The following LIPH variants were observed in gnomAD, a reference collection of about 807,000 sequenced individuals.
LIPH encodes lipase member H.
LIPH carries 32 observed loss-of-function variants against 47.6 expected under a neutral mutation model. That is an observed-to-expected ratio of 0.67 (90% CI 0.51 to 0.90). The LOEUF (loss-of-function observed/expected upper bound fraction) is 0.90. Ranked by LOEUF, LIPH falls within the 40% of genes least tolerant of loss-of-function variation. LIPH has a pLI of 0.00. For synonymous variants in LIPH, 190 were observed against 195.6 expected, an observed-to-expected ratio of 0.97 and a Z score of 0.24; for missense variants, 497 against 541.4, an observed-to-expected ratio of 0.92 and a Z score of 0.81.
chr3:185,508,990 A>G (rs1196666079), intron 9 of LIPH, 113 bp from the exon 10 acceptor site: 5 of 767,540 alleles, frequency 6.5e-6, no homozygotes, highest in Admixed American at 2.0e-5. Context: ...TTTTTAATAT[A>G]GAAAACACTT....
intron 6 of LIPH, among the ~76,000 whole-genome samples, chr3:185,518,274 TTTTG>T (rs907267598): frequency 7.9e-5 from 12 of 152,278 alleles, no homozygotes; most frequent in African/African-American, 1.2e-4. Flanking sequence ...TTTTTCTTTC[TTTTG>T]TTTGTTTGTT....
intron 3 of LIPH, among the ~76,000 whole-genome samples, chr3:185,530,264 A>G (rs1183350100): frequency 6.6e-6 from 1 of 152,076 alleles, no homozygotes; most frequent in East Asian, 1.9e-4. Context: ...GGATCACCTG[A>G]GGTCAGGAGT....
chr3:185,552,423 CT>C lies in LIPH; in HGVS notation c.48del (p.Asp17ThrfsTer12). 1 of 1,601,040 alleles carries C rather than the reference CT, an allele frequency of 6.2e-7. No individual in the cohort carries two copies. The highest frequency in any genetic ancestry group is 8.6e-7 in the Non-Finnish European group (1 of 1,168,224). The stretch of plus-strand genomic sequence containing the variant: ...GAAAACCAGTTTGTAAATAACCTAC[CT>C]GATCTTGACAAGCACAACAAACTGA... ...LFISLLCLSR[S>X]DAEETCPSFT... is the part of the protein sequence containing the mutation. On this transcript the variant is annotated frameshift_variant and splice_region_variant, in exon 1 of 10. Transcript: ENST00000296252.
chr3:185,519,333 AAGAGT>A (rs1560158926), intron 5 of LIPH, 24 bp from the exon 6 acceptor site: 2 of 1,561,986 alleles, frequency 1.3e-6, no homozygotes, highest in South Asian at 2.2e-5. Context: ...GAAGTGATGA[AAGAGT>A]AGAGCGGTTG....
At chr3:185,519,801 C>T (rs1182233392) in intron 5 of LIPH, among the ~76,000 whole-genome samples, 1 of 120,964 alleles carries the variant, frequency 8.3e-6, no homozygotes, top group Non-Finnish European at 1.6e-5. Flanking sequence ...TGTGCCATTG[C>T]ACTCCAGCCT....
intron 3 of LIPH, among the ~76,000 whole-genome samples, chr3:185,528,784 G>T (rs1720208407): frequency 6.6e-6 from 1 of 152,032 alleles, no homozygotes; most frequent in African/African-American, 2.4e-5. Flanking sequence ...ATGTTATTTG[G>T]GTGTTCCTCA....
At position 185,510,779 on chromosome 3, in the gene LIPH, C is replaced by T. The variant is rs769961074; in HGVS notation, c.1268+745G>A. Among the ~76,000 whole-genome samples the T allele has an allele frequency of 8.5e-5, 13 of 152,210 alleles. No individual in the cohort carries two copies. In the East Asian group the frequency reaches 9.6e-4, roughly 11 times the overall value. ...ACAAAAATTAGCTGGGTGTGGTGGA[C>T]GTGCCTGTGGTCAAGGGAATAAAAT... On this transcript the variant is annotated intron_variant, in intron 9 of 9. Coordinates refer to ENST00000296252, the MANE Select transcript of LIPH (RefSeq NM_139248.3).
chr3:185,543,203 C>T (rs1427267609), intron 1 of LIPH, among the ~76,000 whole-genome samples: 1 of 151,882 alleles, frequency 6.6e-6, no homozygotes, highest in African/African-American at 2.4e-5. Flanking sequence ...AGCAAGACTC[C>T]ATCTCAAAAA....
At chr3:185,509,587 G>A (rs575871491) in intron 9 of LIPH, among the ~76,000 whole-genome samples, 2 of 151,996 alleles carry the variant, frequency 1.3e-5, no homozygotes, top group East Asian at 1.9e-4. Flanking sequence ...CCAAGAACGC[G>A]CTACTACTGT....
At chr3:185,538,408 T>G (rs1040386201) in intron 1 of LIPH, among the ~76,000 whole-genome samples, 1 of 152,000 alleles carries the variant, frequency 6.6e-6, no homozygotes, top group African/African-American at 2.4e-5. Context: ...AGAGATAGAG[T>G]GTAAGATGAA....
rs78204465 is a variant in LIPH at position 185,511,159 on chromosome 3, A to G, written c.1268+365T>C. Among the ~76,000 whole-genome samples, 366 of 151,820 alleles carry G rather than the reference A, an allele frequency of 2.4e-3. 1 individual carries two copies. Among genetic ancestry groups the G allele is most frequent in the African/African-American group, 8.4e-3 (347 of 41,376 alleles). On this transcript the variant is annotated intron_variant, in intron 9 of 9. Transcript: ENST00000296252. Reference sequence around the variant, plus strand: ...GTGATCCTCTCACCTCAGCCTCCTGAGTAGTGGGATTACAGTCATGTACCA... The same window carrying G: ...GTGATCCTCTCACCTCAGCCTCCTGGGTAGTGGGATTACAGTCATGTACCA...
At chr3:185,538,098 G>A (rs1359546004) in intron 1 of LIPH, among the ~76,000 whole-genome samples, 2 of 152,094 alleles carry the variant, frequency 1.3e-5, no homozygotes, top group African/African-American at 4.8e-5. Context: ...GAGCCTCCAC[G>A]CCCAGCCCTA....
In LIPH at chr3:185,514,484, C is replaced by T. The variant is rs1254591996; in HGVS notation, c.1020G>A (p.Lys340=). 2.6e-6 allele frequency: 4 copies of T among 1,562,782 alleles called. 1 individual carries two copies. Among genetic ancestry groups the T allele is most frequent in the African/African-American group, 1.4e-5 (1 of 73,940 alleles). ...HYFVDIITWN[K]NVRRGDITIK... ...TGGTAATGTCCCCTCTTCTTACATT[C>T]TTGTTCCATGTTATAATATCCACAA... Residue 340 remains lysine, a synonymous_variant, in exon 8 of 10, where the codon AAG becomes AAA. Transcript: ENST00000296252.
intron 1 of LIPH, among the ~76,000 whole-genome samples, chr3:185,544,970 C>T (rs776622682): frequency 1.0e-4 from 14 of 140,338 alleles, no homozygotes; most frequent in African/African-American, 2.0e-4. Flanking sequence ...TTTCTAAAGG[C>T]ATCAGATACT....
chr3:185,547,279 C>T (rs1269797778), intron 1 of LIPH, among the ~76,000 whole-genome samples: 1 of 152,108 alleles, frequency 6.6e-6, no homozygotes, highest in African/African-American at 2.4e-5. Context: ...TCATGTAGGA[C>T]ATGACAGAAT....
chr3:185,537,300 TA>T (rs55891765), intron 1 of LIPH, among the ~76,000 whole-genome samples: 27 of 149,528 alleles, frequency 1.8e-4, no homozygotes, highest in Admixed American at 4.7e-4. Flanking sequence ...CTCTAGCTCT[TA>T]AAAAAAAAAG....
chr3:185,511,704 G>A lies in LIPH; in HGVS notation c.1095-7C>T, dbSNP rs766117246. 14 of 1,603,328 alleles carry A rather than the reference G, an allele frequency of 8.7e-6. No individual in the cohort carries two copies. Among genetic ancestry groups the A allele is most frequent in the Non-Finnish European group, 1.2e-5 (14 of 1,170,360 alleles). On this transcript the variant is annotated splice_polypyrimidine_tract_variant and splice_region_variant and intron_variant, in intron 8 of 9. Transcript: ENST00000296252. ...CTGAAATGTGGTGGGTTCACTGGAA[G>A]GAAGAAGTAATACTGAAAAATGGAT...
At position 185,524,109 on chromosome 3, in the gene LIPH, C is replaced by A; in HGVS notation, c.680G>T (p.Gly227Val). 6.2e-7 allele frequency: 1 copy of A among 1,613,834 alleles called. No homozygotes were observed. Among genetic ancestry groups the A allele is most frequent in the East Asian group, 2.2e-5 (1 of 44,870 alleles). ...LGNIDFYPNG[G>V]LDQPGCPKTI... The stretch of plus-strand genomic sequence containing the variant: ...TTTGGGGCAGCCAGGTTGATCCAAT[C>A]CTCCATTTGGGTAGAAGTCTATGTT... Residue 227 changes from glycine to valine, a missense_variant, in exon 5 of 10, where the codon GGA (glycine) becomes GTA (valine). By Grantham distance (109) the Gly-to-Val change is moderately radical (BLOSUM62 -3). Coordinates refer to ENST00000296252, the MANE Select transcript of LIPH (RefSeq NM_139248.3).
intron 7 of LIPH, among the ~76,000 whole-genome samples, chr3:185,515,589 A>T (rs771281508): frequency 9.9e-5 from 15 of 151,828 alleles, no homozygotes; most frequent in Admixed American, 7.9e-4. Context: ...GTTCACGGCA[A>T]CCTCTGTCTC....
Sources: allele counts gnomAD v4.1 joint callset (sites outside exome capture counted in the v4.1 genomes callset), GRCh38; gene constraint gnomAD v4.1.1; transcripts MANE v1.5; gene names NCBI Gene and HGNC (gene_info 2026-07-23, HGNC 2026-07-21).